PUM1: variants seen among roughly 807,000 people sequenced by gnomAD.
The protein encoded by PUM1 is pumilio homolog 1.
Under a neutral mutation model 131.8 loss-of-function variants are expected in PUM1, and 13 were observed. The ratio of observed to expected loss-of-function variants is 0.10; its 90% CI spans 0.06 to 0.16. PUM1 has a LOEUF of 0.16. PUM1 is among the 10% of genes least tolerant of loss of function. The probability of loss-of-function intolerance (pLI) is 1.00; values close to 1 mark genes in which losing one functional copy is unlikely to be tolerated. For missense variants in PUM1, 961 were observed against 1,512.4 expected (o/e 0.64, Z 6.05); for synonymous variants, 509 against 556.5 (o/e 0.91, Z 1.20).
rs182248375 is a variant in PUM1, at chr1:30,978,821, G to A, written c.1354+1241C>T. On this transcript the variant is annotated intron_variant, in intron 9 of 21. Transcript: ENST00000426105. ...GGAAAGAAAAAAACACTCATAGGCT[G>A]GGCACAGTGGCTCATGCCTGGAATG... Among the ~76,000 whole-genome samples the A allele has an allele frequency of 2.0e-3, 312 of 152,238 alleles. 1 individual carries two copies. The highest frequency in any genetic ancestry group is 7.2e-3 in the African/African-American group (301 of 41,534).
Position 30,936,163 on chromosome 1 carries a change from A to T in PUM1, c.3435+480T>A, listed in dbSNP as rs537105943. 6.7e-5 allele frequency among the ~76,000 whole-genome samples: 10 copies of T among 150,198 alleles called. No individual in the cohort carries two copies. In the East Asian group the frequency reaches 1.9e-3, roughly 29 times the overall value. ...CATGTCCTCACCACTGCTCACCACC[A>T]TGGCTCTTCCCCACCAGAATGTACT... On this transcript the variant is annotated intron_variant, in intron 21 of 21. Coordinates refer to ENST00000426105, the MANE Select transcript of PUM1 (RefSeq NM_001020658.2).
intron 7 of PUM1, among the ~76,000 whole-genome samples, chr1:30,990,625 A>C (rs1641751319): frequency 1.3e-5 from 2 of 151,980 alleles, no homozygotes; most frequent in South Asian, 2.1e-4. Context: ...AAGATATAGG[A>C]GGCTTACGCC....
chr1:31,037,893 C>T (rs1643665641), intron 2 of PUM1, among the ~76,000 whole-genome samples: 2 of 151,482 alleles, frequency 1.3e-5, no homozygotes, highest in Admixed American at 6.6e-5. Flanking sequence ...CTGGCTAACA[C>T]GGTGAAACCC....
In PUM1 at chr1:30,966,266, G is replaced by A; in HGVS notation, c.1802C>T (p.Ala601Val). 1 of 1,598,804 alleles carries A rather than the reference G, an allele frequency of 6.3e-7. No homozygotes were observed. Among genetic ancestry groups the A allele is most frequent in the Non-Finnish European group, 8.5e-7 (1 of 1,169,936 alleles). The change falls in exon 13 of 22, where the codon GCC becomes GTC. Residue 601 changes from alanine (A) to valine (V), a missense_variant. Around this residue, in one of 4 missense-constraint regions of PUM1, gnomAD observed 654 missense variants for 923.9 expected, o/e 0.71. Coordinates refer to ENST00000426105, the MANE Select transcript of PUM1 (RefSeq NM_001020658.2). ...AGCTGCTCCATTTGCTGAAGCTGCG[G>A]CTGCTGCAACAGCTATGAAGAAGAA... The part of the protein sequence containing the change: ...SSAAQAAVAA[A>V]AASANGAAGG...
chr1:30,940,002 T>C (rs1488788834), intron 20 of PUM1, among the ~76,000 whole-genome samples: 2 of 152,122 alleles, frequency 1.3e-5, no homozygotes, highest in African/African-American at 4.8e-5. Context: ...ACCCAAGAGA[T>C]TCTGATCCCC....
chr1:31,011,904 G>A (rs987105162), intron 3 of PUM1, among the ~76,000 whole-genome samples: 1 of 152,124 alleles, frequency 6.6e-6, no homozygotes, highest in Non-Finnish European at 1.5e-5. Flanking sequence ...GAAGATAACA[G>A]GAATTAGGAA....
In PUM1 at chr1:30,953,849, T is replaced by C. The variant is rs780882780; in HGVS notation, c.2456A>G (p.Tyr819Cys). ...STLFSSSRLR[Y>C]GMSDVMPSGR... Reference sequence around the variant, plus strand: ...AGAAGGCATGACATCAGACATTCCATATCGCAAACGAGAGGAAGAGAAAAG... The same window carrying C: ...AGAAGGCATGACATCAGACATTCCACATCGCAAACGAGAGGAAGAGAAAAG... The change falls in exon 15 of 22, where the codon TAT becomes TGT. Residue 819 changes from tyrosine (Y) to cysteine (C), a missense_variant. This residue lies in a region of PUM1 where 117 missense variants were observed against 200.7 expected (regional missense o/e 0.58). Coordinates refer to ENST00000426105, the MANE Select transcript of PUM1 (RefSeq NM_001020658.2). The C allele has an allele frequency of 1.5e-5, 24 of 1,614,222 alleles. No homozygotes were observed. The highest frequency in any genetic ancestry group is 2.2e-5 in the East Asian group (1 of 44,888).
At chr1:31,041,916 C>T (rs12068379) in intron 2 of PUM1, among the ~76,000 whole-genome samples, 43,521 of 151,882 alleles carry the variant, frequency 0.29, 8,082 homozygotes, top group East Asian at 0.53. Flanking sequence ...TACTGAGTGG[C>T]TCAAATCATG....
chr1:30,989,571 CAAAAAAAAAAAAAAAA>C (rs1174565063), intron 7 of PUM1, among the ~76,000 whole-genome samples: 14 of 27,704 alleles, frequency 5.1e-4, no homozygotes, highest in East Asian at 8.9e-4. Flanking sequence ...GACTCCGTCT[CAAAAAAAAAAAAAAAA>C]AAAAAAAAAA....
At chr1:31,046,748 G>T (rs532932981) in intron 2 of PUM1, among the ~76,000 whole-genome samples, 14 of 152,066 alleles carry the variant, frequency 9.2e-5, no homozygotes, top group Non-Finnish European at 1.6e-4. Flanking sequence ...GGGATTACAG[G>T]CATGAGCCAC....
chr1:31,035,789 T>C (rs1643591287), intron 2 of PUM1, among the ~76,000 whole-genome samples: 1 of 151,956 alleles, frequency 6.6e-6, no homozygotes, highest in African/African-American at 2.4e-5. Context: ...AAGAAGTTAT[T>C]ACAGCCCTTA....
intron 10 of PUM1, among the ~76,000 whole-genome samples, chr1:30,974,373 T>G (rs564013170): frequency 6.6e-6 from 1 of 152,204 alleles, no homozygotes; most frequent in South Asian, 2.1e-4. Flanking sequence ...AAAATTTTAC[T>G]GTAACTTTGA....
intron 3 of PUM1, among the ~76,000 whole-genome samples, chr1:31,016,749 C>T (rs1280489485): frequency 6.6e-6 from 1 of 152,170 alleles, no homozygotes; most frequent in African/African-American, 2.4e-5. Context: ...ATGGTTACTA[C>T]TGAAAACAGA....
At chr1:31,060,154 G>C (rs1378836050) in intron 1 of PUM1, among the ~76,000 whole-genome samples, 1 of 147,116 alleles carries the variant, frequency 6.8e-6, no homozygotes, top group African/African-American at 2.5e-5. Flanking sequence ...AGCCCCAAAA[G>C]CCTTTTTAAA....
intron 3 of PUM1, among the ~76,000 whole-genome samples, chr1:31,010,593 A>C (rs1260699665): frequency 6.6e-6 from 1 of 152,058 alleles, no homozygotes; most frequent in African/African-American, 2.4e-5. Flanking sequence ...TTCCCACTGA[A>C]CTCTGCCTCT....
At chr1:31,048,560 C>T (rs1207537511) in intron 2 of PUM1, among the ~76,000 whole-genome samples, 4 of 151,426 alleles carry the variant, frequency 2.6e-5, no homozygotes, top group East Asian at 2.0e-4. Flanking sequence ...CTGCAACCTC[C>T]GCCTCCCAAG....
intron 3 of PUM1, among the ~76,000 whole-genome samples, chr1:31,023,659 G>A (rs12137792): frequency 3.9e-5 from 6 of 152,084 alleles, no homozygotes; most frequent in African/African-American, 7.2e-5. Context: ...AGCCAGGCGC[G>A]GTGGCTCATG....
Position 30,995,179 on chromosome 1 carries a change from T to G in PUM1, c.762A>C (p.Glu254Asp). The change falls in exon 6 of 22, where the codon GAA (glutamate) becomes GAC (aspartate). Residue 254 changes from glutamate to aspartate, a missense_variant. Glu to Asp is a conservative substitution (Grantham distance 45). Around this residue, in one of 4 missense-constraint regions of PUM1, gnomAD observed 654 missense variants for 923.9 expected, o/e 0.71. Coordinates refer to ENST00000426105, the MANE Select transcript of PUM1 (RefSeq NM_001020658.2). Reference protein sequence around the residue: ...DADSDENDKGEKKNKGTFDGD... With the variant: ...DADSDENDKGDKKNKGTFDGD... ...CATCAAACGTACCCTTGTTCTTCTT[T>G]TCACCTTTGTCGTTTTCATCACTGT... 6.2e-7 allele frequency: 1 copy of G among 1,614,196 alleles called. No individual in the cohort carries two copies. Among genetic ancestry groups the G allele is most frequent in the Non-Finnish European group, 8.5e-7 (1 of 1,180,026 alleles).
rs200515686 is a variant in PUM1 at position 31,031,154 on chromosome 1, T to TAC, written c.364-2292_364-2291dup. Among the ~76,000 whole-genome samples the TAC allele has an allele frequency of 4.9e-4, 56 of 113,992 alleles. 1 individual carries two copies. The highest frequency in any genetic ancestry group is 4.1e-3 in the Middle Eastern group (1 of 246). 74.8% of individuals were successfully genotyped at this position (113,992 alleles called of 152,430 possible). On this transcript the variant is annotated intron_variant, in intron 2 of 21. Coordinates refer to ENST00000426105, the MANE Select transcript of PUM1 (RefSeq NM_001020658.2). ...AAGACAGGATGTTAGCTAGGAACTC[T>TAC]ACACGTTATATGAAATGATAAACCT...
Sources: allele counts gnomAD v4.1 joint callset (sites outside exome capture counted in the v4.1 genomes callset), GRCh38; gene constraint gnomAD v4.1.1; regional missense constraint gnomAD v4.1.1; transcripts MANE v1.5; gene names NCBI Gene and HGNC (gene_info 2026-07-23, HGNC 2026-07-21).